The following RUNX1 variants were observed in gnomAD, a reference collection of about 807,000 sequenced individuals.
The protein encoded by RUNX1 is runt-related transcription factor 1.
RUNX1 carries 19 observed loss-of-function variants against 42.8 expected under a neutral mutation model. The observed-to-expected ratio is 0.44, with a 90% CI of 0.31 to 0.65. The LOEUF is 0.65. Ranked by LOEUF, RUNX1 falls within the 30% of genes least tolerant of loss-of-function variation. RUNX1 has a pLI of 0.07. For synonymous variants in RUNX1, 271 were observed against 289.4 expected, an observed-to-expected ratio of 0.94 and a Z score of 0.64; for missense variants, 528 against 672.0, an observed-to-expected ratio of 0.79 and a Z score of 2.37.
intron 2 of RUNX1, among the ~76,000 whole-genome samples, chr21:34,980,131 C>T (rs146582854): frequency 1.4e-3 from 215 of 152,378 alleles, no homozygotes; most frequent in African/African-American, 4.8e-3. Context: ...GCTATTATTA[C>T]TTTGGTCTTG....
In RUNX1 at chr21:34,816,112, C is replaced by T. The variant is rs149721392; in HGVS notation, c.806-16650G>A. Among the ~76,000 whole-genome samples, 1,134 of 152,254 alleles carry T rather than the reference C, an allele frequency of 7.4e-3. 11 individuals are homozygous for T. Among genetic ancestry groups the T allele is most frequent in the Non-Finnish European group, 0.013 (880 of 68,014 alleles). ...ATGGAGAAAGGAAACAGCCAAAGGG[C>T]CCCAGCAGAGAGTTGGTGCTATGTA... On this transcript the variant is annotated intron_variant, in intron 7 of 8. Coordinates refer to ENST00000675419, the MANE Select transcript of RUNX1 (RefSeq NM_001754.5).
intron 2 of RUNX1, among the ~76,000 whole-genome samples, chr21:34,939,662 G>A (rs2058512232): frequency 6.6e-6 from 1 of 152,112 alleles, no homozygotes; most frequent in Non-Finnish European, 1.5e-5. Flanking sequence ...GCTAACTAGA[G>A]AGGACCTAAA....
At chr21:34,820,226 T>C (rs2056887760) in intron 7 of RUNX1, among the ~76,000 whole-genome samples, 1 of 151,992 alleles carries the variant, frequency 6.6e-6, no homozygotes, top group Non-Finnish European at 1.5e-5. Context: ...GAGGAGGATA[T>C]CCCTTCCTTG....
intron 5 of RUNX1, among the ~76,000 whole-genome samples, chr21:34,869,059 T>C (rs777849500): frequency 2.6e-5 from 4 of 152,162 alleles, no homozygotes; most frequent in Admixed American, 6.5e-5. Context: ...CTCATTTTAG[T>C]AGGCCCTTAG....
rs1206781331 is a variant in RUNX1 at position 34,907,762 on chromosome 21, T to C, written c.59-14799A>G. Reference sequence around the variant, plus strand: ...TGAGAGGTGAAGGATTATTATGAAATAAAACAGAGTGAAGCTGTTTTGAAG... The same window carrying C: ...TGAGAGGTGAAGGATTATTATGAAACAAAACAGAGTGAAGCTGTTTTGAAG... On this transcript the variant is annotated intron_variant, in intron 2 of 8. Transcript: ENST00000675419. This position sits in a 1 kb window ranked among gnomAD's most constrained non-coding sequence, Gnocchi z 5.3. Among the ~76,000 whole-genome samples the C allele has an allele frequency of 6.6e-6, 1 of 152,214 alleles. No homozygotes were observed. The highest frequency in any genetic ancestry group is 1.5e-5 in the Non-Finnish European group (1 of 68,028).
chr21:34,978,488 C>G (rs1455312052), intron 2 of RUNX1, among the ~76,000 whole-genome samples: 4 of 151,934 alleles, frequency 2.6e-5, no homozygotes, highest in South Asian at 2.1e-4. Flanking sequence ...TTGTAGTTTC[C>G]CAGAAGGAAA....
intron 2 of RUNX1, among the ~76,000 whole-genome samples, chr21:35,016,848 C>T (rs1056493566): frequency 8.6e-5 from 13 of 151,442 alleles, no homozygotes; most frequent in African/African-American, 2.9e-4. Flanking sequence ...TATCAGAATC[C>T]GTAGAATCTC....
intron 2 of RUNX1, among the ~76,000 whole-genome samples, chr21:34,991,383 A>G (rs538126169): frequency 6.6e-6 from 1 of 152,158 alleles, no homozygotes; most frequent in Non-Finnish European, 1.5e-5. Flanking sequence ...GGTTGGCCCT[A>G]TGAGTCTGTT....
At chr21:34,854,955 C>A (rs182012877) in intron 6 of RUNX1, among the ~76,000 whole-genome samples, 13 of 152,200 alleles carry the variant, frequency 8.5e-5, no homozygotes, top group Non-Finnish European at 1.6e-4. Context: ...ATAGAAATAA[C>A]TATATTTAAT....
At chr21:34,865,249 C>T (rs11088296) in intron 5 of RUNX1, among the ~76,000 whole-genome samples, 34,472 of 150,936 alleles carry the variant, frequency 0.23, 4,186 homozygotes, top group Non-Finnish European at 0.26. Flanking sequence ...GAAGTAGGCA[C>T]TGACGTCTGA....
intron 2 of RUNX1, among the ~76,000 whole-genome samples, chr21:34,916,738 T>C (rs986468442): frequency 1.3e-5 from 2 of 152,116 alleles, no homozygotes; most frequent in South Asian, 2.1e-4. Context: ...ATGGCACATG[T>C]TGGATGCAGC....
At chr21:34,923,770 T>A (rs2058372286) in intron 2 of RUNX1, among the ~76,000 whole-genome samples, 1 of 115,280 alleles carries the variant, frequency 8.7e-6, no homozygotes, top group East Asian at 2.1e-4. Flanking sequence ...CCCCATCCTC[T>A]GGTTATGTCC....
chr21:34,895,093 A>C (rs951490166), intron 2 of RUNX1, among the ~76,000 whole-genome samples: 3 of 152,114 alleles, frequency 2.0e-5, no homozygotes, highest in African/African-American at 7.2e-5. Flanking sequence ...AATATCTTGG[A>C]AATTCTTCAC....
At chr21:34,842,366 G>A (rs908302416) in intron 6 of RUNX1, among the ~76,000 whole-genome samples, 29 of 151,570 alleles carry the variant, frequency 1.9e-4, no homozygotes, top group African/African-American at 4.8e-4. Context: ...ATGGTGGCGC[G>A]CACCTGTAGT....
At chr21:35,034,355 G>A (rs928374302) in intron 2 of RUNX1, among the ~76,000 whole-genome samples, 1 of 152,178 alleles carries the variant, frequency 6.6e-6, no homozygotes, top group African/African-American at 2.4e-5. Context: ...CACACTGACT[G>A]TCAGTTTTTG....
chr21:34,852,140 C>T (rs567936962), intron 6 of RUNX1, among the ~76,000 whole-genome samples: 50 of 152,154 alleles, frequency 3.3e-4, no homozygotes, highest in African/African-American at 1.2e-3. Flanking sequence ...TGCACTCCAG[C>T]CTGGGCGAAA....
chr21:34,954,607 T>C (rs1299028859), intron 2 of RUNX1, among the ~76,000 whole-genome samples: 1 of 152,206 alleles, frequency 6.6e-6, no homozygotes, highest in African/African-American at 2.4e-5. Flanking sequence ...TTGTGGTTAA[T>C]GGGATGTAAG....
At chr21:34,839,030 T>TC (rs1371651184) in intron 6 of RUNX1, among the ~76,000 whole-genome samples, 1 of 152,018 alleles carries the variant, frequency 6.6e-6, no homozygotes, top group Admixed American at 6.6e-5. Flanking sequence ...AGCCTCACTT[T>TC]CCCCCACCCC....
chr21:34,826,460 CAG>C (rs2056989952), intron 7 of RUNX1, among the ~76,000 whole-genome samples: 1 of 99,006 alleles, frequency 1.0e-5, no homozygotes, highest in Admixed American at 1.6e-4. Flanking sequence ...TTTTTTGAGA[CAG>C]AATCTCACTC....
Sources: gnomAD v4.1 joint callset for allele counts (sites outside exome capture counted in the v4.1 genomes callset) on GRCh38, gnomAD v4.1.1 for gene constraint, Gnocchi (gnomAD v3.1) non-coding constraint, MANE v1.5 for transcripts, NCBI Gene and HGNC (gene_info 2026-07-23, HGNC 2026-07-21) for gene names.